Variants in GCC2 observed in about 807,000 individuals in gnomAD.
GCC2 encodes the protein GRIP and coiled-coil domain containing 2.
Under a neutral mutation model 210.6 loss-of-function variants are expected in GCC2, and 120 were observed. That is an observed-to-expected ratio of 0.57 (90% CI 0.49 to 0.66). The LOEUF (loss-of-function observed/expected upper bound fraction) is 0.66. GCC2 is among the 30% of genes least tolerant of loss of function. The pLI, the probability that GCC2 is intolerant of heterozygous loss-of-function variation, is 0.00. For synonymous variants in GCC2, 703 were observed against 652.7 expected (o/e 1.08, Z -1.17); for missense variants, 1,868 against 1,871.9 (o/e 1.00, Z 0.04).
intron 9 of GCC2, among the ~76,000 whole-genome samples, chr2:108,477,025 A>ATT (rs1020433211): frequency 1.3e-5 from 2 of 152,190 alleles, no homozygotes; most frequent in Middle Eastern, 3.2e-3. Flanking sequence ...GATGACTATT[A>ATT]TTTGAACTAT....
intron 21 of GCC2, among the ~76,000 whole-genome samples, chr2:108,498,065 A>G (rs1682731564): frequency 6.6e-6 from 1 of 152,108 alleles, no homozygotes; most frequent in African/African-American, 2.4e-5. Context: ...CCACCATTAA[A>G]TACTTCAGTA....
intron 4 of GCC2, among the ~76,000 whole-genome samples, chr2:108,462,036 A>T (rs1438334064): frequency 1.4e-5 from 2 of 139,066 alleles, no homozygotes; most frequent in African/African-American, 5.3e-5. Context: ...ACGGGGTTTC[A>T]CCCTGTTAGC....
chr2:108,483,021 A>G (rs2577613), intron 11 of GCC2, 41 bp from the exon 12 acceptor site: 626,482 of 1,013,532 alleles, frequency 0.62, 198,212 homozygotes, highest in East Asian at 0.93. Context: ...CCTTTTTAAT[A>G]TTGGTTGGGT....
Position 108,471,900 on chromosome 2 carries a change from G to A in GCC2, c.2571G>A (p.Leu857=). The A allele has an allele frequency of 6.2e-7, 1 of 1,604,426 alleles. No homozygotes were observed. The highest frequency in any genetic ancestry group is 8.5e-7 in the Non-Finnish European group (1 of 1,176,640). Residue 857 remains leucine (L), a synonymous_variant, in exon 6 of 23, where the codon CTG becomes CTA. Transcript: ENST00000309863. Reference sequence around the variant, plus strand: ...AAATACAGTCAGAAAAAGAGGCCCTGCAGTCTGATCTTCTAGAAATGAAGA... The same window carrying A: ...AAATACAGTCAGAAAAAGAGGCCCTACAGTCTGATCTTCTAGAAATGAAGA... ...LEEIQSEKEA[L]QSDLLEMKNA...
chr2:108,461,830 C>CTTTTTTTTTTTT lies in GCC2; in HGVS notation c.217-7145_217-7144insTTTTTTTTTTTT, dbSNP rs1313525353. 1.0e-4 allele frequency among the ~76,000 whole-genome samples: 13 copies of CTTTTTTTTTTTT among 124,068 alleles called. 1 individual carries two copies. The highest frequency in any genetic ancestry group is 1.9e-4 in the African/African-American group (6 of 31,768). 81.4% of individuals were successfully genotyped at this position (124,068 alleles called of 152,430 possible). A position where few individuals can be genotyped will look rare whatever the true frequency, so the allele number is the denominator to read the frequency against. On this transcript the variant is annotated intron_variant, in intron 4 of 22. Transcript: ENST00000309863. ...CTAAATAGGTTTTCTTTTTTTTTTT[C>CTTTTTTTTTTTT]TTTTTCTTTTTTTTTTTTTTTGAGA...
At chr2:108,465,533 C>T (rs1047080130) in intron 4 of GCC2, among the ~76,000 whole-genome samples, 3 of 152,112 alleles carry the variant, frequency 2.0e-5, no homozygotes, top group Non-Finnish European at 4.4e-5. Context: ...TCTCTAACAT[C>T]CATTATATCA....
At chr2:108,475,470 T>TAA (rs1160512186) in intron 7 of GCC2, 65 bp from the exon 8 acceptor site, 1 of 686,914 alleles carries the variant, frequency 1.5e-6, no homozygotes, top group East Asian at 2.9e-5. Context: ...AGGGCTAAAA[T>TAA]AAGCAAGTAA....
intron 2 of GCC2, among the ~76,000 whole-genome samples, 158 bp from the exon 3 acceptor site, chr2:108,450,867 GCGA>G (rs2104397746): frequency 6.6e-6 from 1 of 152,310 alleles, no homozygotes; most frequent in South Asian, 2.1e-4. Flanking sequence ...GGGCAATAGA[GCGA>G]GACTCTGTCT....
intron 22 of GCC2, among the ~76,000 whole-genome samples, chr2:108,503,106 C>T (rs1291998498): frequency 1.3e-5 from 2 of 151,890 alleles, no homozygotes; most frequent in Non-Finnish European, 2.9e-5. Flanking sequence ...GGCTGGAAAT[C>T]TTTCAGAACT....
chr2:108,451,097 A>G lies in GCC2; in HGVS notation c.133A>G (p.Lys45Glu), dbSNP rs1373516510. The change falls in exon 3 of 23, where the codon AAA becomes GAA. Residue 45 changes from lysine (K) to glutamate (E), a missense_variant. Physicochemically the swap from Lys to Glu is moderately conservative, Grantham distance 56 (BLOSUM62 1). Coordinates refer to ENST00000309863, the MANE Select transcript of GCC2 (RefSeq NM_181453.4). ...KKQMMLIQKAKSRCTELEKEI... is the reference protein window; with the variant it reads ...KKQMMLIQKAESRCTELEKEI... ...ACAGATGATGCTAATACAGAAAGCT[A>G]AATCAAGGTGTACAGGTATTGGGTT... 6.2e-7 allele frequency: 1 copy of G among 1,603,936 alleles called. No individual in the cohort carries two copies. Among genetic ancestry groups the G allele is most frequent in the Non-Finnish European group, 8.5e-7 (1 of 1,170,888 alleles).
chr2:108,492,867 C>A, intron 19 of GCC2, 77 bp downstream of exon 19: 2 of 1,109,508 alleles, frequency 1.8e-6, no homozygotes, highest in Non-Finnish European at 1.3e-6. Context: ...TTCACAAATT[C>A]ATAAGAAAGA....
intron 7 of GCC2, among the ~76,000 whole-genome samples, chr2:108,473,561 CATT>C (rs1558742881): frequency 6.6e-6 from 1 of 152,070 alleles, no homozygotes; most frequent in Non-Finnish European, 1.5e-5. Context: ...CTCACAGTAA[CATT>C]ATAGGATAGC....
At position 108,486,527 on chromosome 2, in the gene GCC2, T is replaced by G; in HGVS notation, c.3809T>G (p.Ile1270Arg). Residue 1270 changes from isoleucine to arginine, a missense_variant, in exon 16 of 23, where the codon ATA becomes AGA. Ile to Arg is a moderately conservative substitution (Grantham distance 97, BLOSUM62 -3). Coordinates refer to ENST00000309863, the MANE Select transcript of GCC2 (RefSeq NM_181453.4). ...TACCCCCAGATACAGCTGGCTGAAA[T>G]AACATCAGAGAAGCACAAAATCCAC... The part of the protein sequence containing the change: ...VEVYKIQLAE[I>R]TSEKHKIHEH... 1 of 1,614,136 alleles carries G rather than the reference T, an allele frequency of 6.2e-7. No individual in the cohort carries two copies. The highest frequency in any genetic ancestry group is 8.5e-7 in the Non-Finnish European group (1 of 1,180,020).
chr2:108,500,071 T>G (rs1279789573), intron 22 of GCC2, among the ~76,000 whole-genome samples: 1 of 152,092 alleles, frequency 6.6e-6, no homozygotes, highest in Non-Finnish European at 1.5e-5. Flanking sequence ...TAAATTCTAC[T>G]TTTTAAAAAA....
chr2:108,465,565 C>T lies in GCC2; in HGVS notation c.217-3415C>T, dbSNP rs543359540. On this transcript the variant is annotated intron_variant, in intron 4 of 22. Coordinates refer to ENST00000309863, the MANE Select transcript of GCC2 (RefSeq NM_181453.4). ...ATCACTCTGTATGGCTTTGCATACT[C>T]ATCGCTTAGCTCCTACTTACAAGTG... Among the ~76,000 whole-genome samples the T allele has an allele frequency of 2.0e-5, 3 of 152,240 alleles. No homozygotes were observed. The East Asian group carries it at 5.8e-4, about 29-fold the overall frequency.
chr2:108,507,885 G>A lies in GCC2; in HGVS notation c.*255G>A, dbSNP rs1388854394. On this transcript the variant is annotated 3_prime_UTR_variant, in exon 23 of 23. Coordinates refer to ENST00000309863, the MANE Select transcript of GCC2 (RefSeq NM_181453.4). ...CATGCTGCCAGAATAAAACCACCAGGAATGAATTCACTCCCCACTTCTCTG... is the reference window on the plus strand; with the variant it reads ...CATGCTGCCAGAATAAAACCACCAGAAATGAATTCACTCCCCACTTCTCTG... 1 of 334,656 alleles carries A rather than the reference G, an allele frequency of 3.0e-6. No homozygotes were observed. Among genetic ancestry groups the A allele is most frequent in the Non-Finnish European group, 5.7e-6 (1 of 173,926 alleles). The allele number at this position is 334,656 out of a possible 1,614,324, so 20.7% of individuals were successfully genotyped here.
rs943437249 is a variant in GCC2, at chr2:108,472,810, T to TC, written c.2788-13dup. 11 of 1,444,458 alleles carry TC rather than the reference T, an allele frequency of 7.6e-6. No homozygotes were observed. The African/African-American group carries it at 1.1e-4, about 15-fold the overall frequency. 89.5% of individuals were successfully genotyped at this position (1,444,458 alleles called of 1,614,324 possible). ...TTTTGTTTTGTTTTGTGTTTTTTTTTCCCCTGTAAAATCTAGGATTCCTTA... is the reference window on the plus strand; with the variant it reads ...TTTTGTTTTGTTTTGTGTTTTTTTTTCCCCCTGTAAAATCTAGGATTCCTTA... On this transcript the variant is annotated splice_polypyrimidine_tract_variant and intron_variant, in intron 6 of 22. Coordinates refer to ENST00000309863, the MANE Select transcript of GCC2 (RefSeq NM_181453.4).
At chr2:108,458,374 CTTTTT>C (rs70956257) in intron 4 of GCC2, among the ~76,000 whole-genome samples, 3 of 100,304 alleles carry the variant, frequency 3.0e-5, no homozygotes, top group African/African-American at 7.9e-5. Context: ...TTGTTGCTTT[CTTTTT>C]TTTTTTTTTT....
chr2:108,487,000 C>T (rs1682172835), intron 16 of GCC2, among the ~76,000 whole-genome samples: 1 of 152,156 alleles, frequency 6.6e-6, no homozygotes, highest in South Asian at 2.1e-4. Context: ...TGGGGGCCTA[C>T]TTTCTTGTCA....
Sources: allele counts gnomAD v4.1 joint callset (sites outside exome capture counted in the v4.1 genomes callset), GRCh38; gene constraint gnomAD v4.1.1; transcripts MANE v1.5; gene names NCBI Gene and HGNC (gene_info 2026-07-23, HGNC 2026-07-21).